Variants in IL4I1 observed in about 807,000 individuals in gnomAD.
IL4I1 encodes L-amino-acid oxidase.
IL4I1 carries 24 observed loss-of-function variants against 29.7 expected under a neutral mutation model. The observed-to-expected ratio is 0.81, with a 90% CI of 0.59 to 1.14. IL4I1 has a LOEUF of 1.14. Among genes scored for constraint, IL4I1 ranks in the 50% most tolerant of loss-of-function variants. The probability of loss-of-function intolerance (pLI) is 0.00; values close to 1 mark genes in which losing one functional copy is unlikely to be tolerated. For synonymous variants in IL4I1, 371 were observed against 352.5 expected, an observed-to-expected ratio of 1.05 and a Z score of -0.59; for missense variants, 686 against 785.6, an observed-to-expected ratio of 0.87 and a Z score of 1.52.
At chr19:49,898,162 A>G (rs1482404577), upstream of IL4I1, among the ~76,000 whole-genome samples, 2 of 150,616 alleles carry the variant, frequency 1.3e-5, no homozygotes, top group East Asian at 4.0e-4. Context: ...CTCTACTAAA[A>G]ATATAAAAAT....
chr19:49,908,520 G>A lies in IL4I1; in HGVS notation c.-227-4199C>T, dbSNP rs761537104. ...TCAGCCAGCTTGTAGGTTTTCTCACGCTCCTCATCCGCGTGCTGCAGGTAG... is the reference window on the plus strand; with the variant it reads ...TCAGCCAGCTTGTAGGTTTTCTCACACTCCTCATCCGCGTGCTGCAGGTAG... On this transcript the variant is annotated intron_variant, in intron 2 of 9. Transcript: ENST00000341114. 3 of 1,614,128 alleles carry A rather than the reference G, an allele frequency of 1.9e-6. No homozygotes were observed. Among genetic ancestry groups the A allele is most frequent in the East Asian group, 2.2e-5 (1 of 44,888 alleles).
At chr19:49,902,581 A>G (rs1195997426) in intron 3 of IL4I1, among the ~76,000 whole-genome samples, 1 of 152,124 alleles carries the variant, frequency 6.6e-6, no homozygotes, top group African/African-American at 2.4e-5. Flanking sequence ...CAATCACAGT[A>G]CTTTGGGAGG....
chr19:49,896,128 C>A lies in IL4I1; in HGVS notation c.13+20G>T, dbSNP rs773724054. The A allele has an allele frequency of 6.9e-7, 1 of 1,447,328 alleles. No individual in the cohort carries two copies. The highest frequency in any genetic ancestry group is 9.0e-7 in the Non-Finnish European group (1 of 1,105,182). 89.7% of individuals were successfully genotyped at this position (1,447,328 alleles called of 1,614,324 possible). A position where few individuals can be genotyped will look rare whatever the true frequency, so the allele number is the denominator to read the frequency against. ...GGGGTTCTACTCACTTGTTCCAGAGCCCCTCCCCTGCTTACTCACCCAATG... is the reference window on the plus strand; with the variant it reads ...GGGGTTCTACTCACTTGTTCCAGAGACCCTCCCCTGCTTACTCACCCAATG... On this transcript the variant is annotated intron_variant, in intron 2 of 7. Transcript: ENST00000391826.
intron 2 of IL4I1, among the ~76,000 whole-genome samples, chr19:49,914,734 T>G (rs941063888): frequency 1.8e-5 from 2 of 109,550 alleles, no homozygotes; most frequent in East Asian, 2.5e-4. Context: ...CAGTTTTTTT[T>G]TTTTTTTTTT....
chr19:49,903,258 C>T (rs779438403), intron 3 of IL4I1, among the ~76,000 whole-genome samples: 2 of 152,204 alleles, frequency 1.3e-5, no homozygotes, highest in Non-Finnish European at 1.5e-5. Flanking sequence ...TCTGAGGTGA[C>T]CCCAGGGCAC....
chr19:49,895,532 C>T (rs2075195388), intron 3 of IL4I1, among the ~76,000 whole-genome samples: 1 of 152,182 alleles, frequency 6.6e-6, no homozygotes. Context: ...TAGAGTTTCC[C>T]TCTCCACCAA....
chr19:49,891,134 A>C (rs2075133324), intron 6 of IL4I1, 27 bp from the exon 7 acceptor site: 1 of 1,606,378 alleles, frequency 6.2e-7, no homozygotes, highest in African/African-American at 1.3e-5. Flanking sequence ...GGCCGAGGTT[A>C]GGGCCCAGGC....
intron 7 of IL4I1, 126 bp downstream of exon 7, chr19:49,890,845 G>A: frequency 1.1e-6 from 1 of 879,238 alleles, no homozygotes. Flanking sequence ...TTAGCCCCGC[G>A]ACCATCAATT....
intron 2 of IL4I1, among the ~76,000 whole-genome samples, chr19:49,905,861 C>T (rs1171155227): frequency 6.6e-6 from 1 of 152,134 alleles, no homozygotes; most frequent in African/African-American, 2.4e-5. Context: ...CCTTGGCCTC[C>T]CAAAGTGCTG....
At chr19:49,917,359 GCTT>G (rs1243961142) in intron 2 of IL4I1, among the ~76,000 whole-genome samples, 1 of 152,238 alleles carries the variant, frequency 6.6e-6, no homozygotes, top group Non-Finnish European at 1.5e-5. Flanking sequence ...TAACTACTCT[GCTT>G]CTTAACCGTC....
intron 2 of IL4I1, chr19:49,907,094 T>C (rs533162053): frequency 1.9e-5 from 3 of 156,812 alleles, no homozygotes; most frequent in African/African-American, 4.8e-5. Flanking sequence ...ATTTAACAAA[T>C]GTGACAGGGA....
In IL4I1 at chr19:49,926,434, G is replaced by T. The variant is rs146764317; in HGVS notation, c.-228+1260C>A. Reference sequence around the variant, plus strand: ...AATCCCAGCTACTTGGAAGGCTGAGGCAGGAGAATTGCTTGAATCTGGGAA... The same window carrying T: ...AATCCCAGCTACTTGGAAGGCTGAGTCAGGAGAATTGCTTGAATCTGGGAA... On this transcript the variant is annotated intron_variant, in intron 2 of 9. Transcript: ENST00000341114. 1.2e-4 allele frequency among the ~76,000 whole-genome samples: 18 copies of T among 152,214 alleles called. No individual in the cohort carries two copies. The East Asian group carries it at 3.5e-3, about 29-fold the overall frequency.
chr19:49,893,153 A>G (rs2075160439), intron 5 of IL4I1, among the ~76,000 whole-genome samples: 2 of 152,146 alleles, frequency 1.3e-5, no homozygotes, highest in South Asian at 4.1e-4. Flanking sequence ...TGAGCCTGAA[A>G]AGATCAGACT....
chr19:49,902,320 C>A (rs2075278252), intron 3 of IL4I1, among the ~76,000 whole-genome samples: 2 of 150,988 alleles, frequency 1.3e-5, no homozygotes, highest in South Asian at 4.2e-4. Flanking sequence ...TTTTTAAAAA[C>A]TACAATATCA....
intron 2 of IL4I1, chr19:49,909,259 C>A: frequency 1.2e-6 from 2 of 1,613,956 alleles, no homozygotes; most frequent in Non-Finnish European, 1.7e-6. Flanking sequence ...TGGCAGGTGC[C>A]GTGGGCTGGG....
chr19:49,898,606 G>A (rs367887220), upstream of IL4I1, among the ~76,000 whole-genome samples: 93 of 152,078 alleles, frequency 6.1e-4, no homozygotes, highest in Non-Finnish European at 4.9e-4. Context: ...AGTGGCTTAC[G>A]CCTGTAATCC....
chr19:49,914,745 T>TG (rs1485876290), intron 2 of IL4I1, among the ~76,000 whole-genome samples: 1 of 131,566 alleles, frequency 7.6e-6, no homozygotes, highest in Non-Finnish European at 1.6e-5. Flanking sequence ...TTTTTTTTTT[T>TG]TTTTTTTTTT....
At chr19:49,922,754 C>G (rs879623225) in intron 2 of IL4I1, among the ~76,000 whole-genome samples, 1 of 152,054 alleles carries the variant, frequency 6.6e-6, no homozygotes, top group African/African-American at 2.4e-5. Flanking sequence ...GTGAAACCAG[C>G]AGCTTTGCAC....
chr19:49,915,646 T>C (rs977831826), intron 2 of IL4I1, among the ~76,000 whole-genome samples: 20 of 152,254 alleles, frequency 1.3e-4, no homozygotes, highest in African/African-American at 4.6e-4. Flanking sequence ...GAAATCTAGA[T>C]AGGTGGATGG....
Sources: allele counts gnomAD v4.1 joint callset (sites outside exome capture counted in the v4.1 genomes callset), GRCh38; gene constraint gnomAD v4.1.1; transcripts MANE v1.5; gene names NCBI Gene and HGNC (gene_info 2026-07-23, HGNC 2026-07-21).